The following XPO5 variants were observed in gnomAD, a reference collection of about 807,000 sequenced individuals.
XPO5 encodes the protein exportin 5.
A neutral mutation model predicts 160.6 loss-of-function variants in XPO5; 46 were observed. That is an observed-to-expected ratio of 0.29 (90% CI 0.23 to 0.37). The LOEUF (loss-of-function observed/expected upper bound fraction) is 0.37, where lower values mean the gene tolerates loss of function less well. XPO5 is among the 10% of genes least tolerant of loss of function. The probability of loss-of-function intolerance (pLI) is 1.00; values close to 1 mark genes in which losing one functional copy is unlikely to be tolerated. For missense variants in XPO5, 1,090 were observed against 1,463.9 expected, an observed-to-expected ratio of 0.74 and a Z score of 4.17; for synonymous variants, 537 against 519.3, an observed-to-expected ratio of 1.03 and a Z score of -0.46.
chr6:43,523,474 T>C lies in XPO5; in HGVS notation c.*394A>G. On this transcript the variant is annotated 3_prime_UTR_variant, in exon 32 of 32. Transcript: ENST00000265351. ...TGGCACAAGTAGTTGAGGGCTGTGC[T>C]CTTGCTGCGAGCCTTGCTAGTCGCA... The C allele has an allele frequency of 8.3e-6, 3 of 362,528 alleles. No homozygotes were observed. Among genetic ancestry groups the C allele is most frequent in the South Asian group, 6.4e-5 (3 of 46,820 alleles). The allele number at this position is 362,528 out of a possible 1,614,324, so 22.5% of individuals were successfully genotyped here.
At chr6:43,565,616 T>C (rs766194312) in intron 8 of XPO5, 44 bp downstream of exon 8, 4 of 1,432,184 alleles carry the variant, frequency 2.8e-6, no homozygotes, top group Non-Finnish European at 2.8e-6. Context: ...GATAGAAAAA[T>C]GACAAAGAAA....
Position 43,575,982 on chromosome 6 carries a change from A to C in XPO5, c.-118T>G. On this transcript the variant is annotated 5_prime_UTR_variant, in exon 1 of 32. Transcript: ENST00000265351. ...GCCGCGGCGGGCGGCGGGGGTGGGAAGCTGGAGGAGGAGCGTTAGCAGCAA... is the reference window on the plus strand; with the variant it reads ...GCCGCGGCGGGCGGCGGGGGTGGGACGCTGGAGGAGGAGCGTTAGCAGCAA... 1.1e-6 allele frequency: 1 copy of C among 934,728 alleles called. No individual in the cohort carries two copies. The highest frequency in any genetic ancestry group is 1.5e-5 in the South Asian group (1 of 66,742). The allele number at this position is 934,728 out of a possible 1,614,324, so 57.9% of individuals were successfully genotyped here.
At chr6:43,550,000 T>C (rs1391454084) in intron 15 of XPO5, 66 bp from the exon 16 acceptor site, 18 of 1,539,742 alleles carry the variant, frequency 1.2e-5, no homozygotes, top group Non-Finnish European at 2.7e-6. Context: ...CTTGCTATGT[T>C]GCCCAGACTA....
chr6:43,528,282 T>C, intron 24 of XPO5, 77 bp from the exon 25 acceptor site: 1 of 1,437,534 alleles, frequency 7.0e-7, no homozygotes. Flanking sequence ...TCAAGTCCAC[T>C]TCATGATTAA....
rs759801681 is a variant in XPO5 at position 43,522,587 on chromosome 6, G to A, written c.*1281C>T. The A allele has an allele frequency of 7.2e-5, 24 of 334,842 alleles. No homozygotes were observed. The highest frequency in any genetic ancestry group is 1.3e-4 in the Non-Finnish European group (20 of 149,952). The allele number at this position is 334,842 out of a possible 1,614,324, so 20.7% of individuals were successfully genotyped here. On this transcript the variant is annotated 3_prime_UTR_variant, in exon 32 of 32. Coordinates refer to ENST00000265351, the MANE Select transcript of XPO5 (RefSeq NM_020750.3). ...AGAAACCCAGAGCACCACACAGGAA[G>A]AGGGAGCAACACAAGACTCCCAACT...
chr6:43,553,526 TAC>T (rs111634867), intron 13 of XPO5, 23 bp from the exon 14 acceptor site: 70,750 of 943,930 alleles, frequency 0.075, 215 homozygotes, highest in East Asian at 0.15. Context: ...CACACACACA[TAC>T]ACACACACAC....
intron 20 of XPO5, among the ~76,000 whole-genome samples, chr6:43,536,807 G>A (rs1317038269): frequency 7.0e-6 from 1 of 142,920 alleles, no homozygotes; most frequent in East Asian, 2.0e-4. Flanking sequence ...TTACTTTTTG[G>A]GTTTTAAAAC....
At position 43,531,541 on chromosome 6, in the gene XPO5, A is replaced by G; in HGVS notation, c.2478T>C (p.Ser826=). Residue 826 remains serine, a synonymous_variant, in exon 22 of 32, where the codon TCT becomes TCC. Coordinates refer to ENST00000265351, the MANE Select transcript of XPO5 (RefSeq NM_020750.3). ...TTTCCAAGACGGTTTTGAAGACAGG[A>G]GAGTCATTGAGTTCCAAGAGAGGTT... The part of the protein sequence containing the change: ...LPQPLLELND[S]PVFKTVLERM... 1 of 1,613,972 alleles carries G rather than the reference A, an allele frequency of 6.2e-7. No individual in the cohort carries two copies. The highest frequency in any genetic ancestry group is 8.5e-7 in the Non-Finnish European group (1 of 1,179,862).
intron 17 of XPO5, 148 bp from the exon 18 acceptor site, chr6:43,548,608 C>T (rs1795077977): frequency 1.5e-6 from 1 of 657,260 alleles, no homozygotes; most frequent in Non-Finnish European, 2.3e-6. Flanking sequence ...TGTTATATGT[C>T]TTTATTTTGC....
chr6:43,562,920 A>G (rs970261605), intron 8 of XPO5, among the ~76,000 whole-genome samples: 4 of 152,216 alleles, frequency 2.6e-5, no homozygotes, highest in Non-Finnish European at 5.9e-5. Context: ...CAGTCTCTAC[A>G]GGGAAGGAAG....
intron 14 of XPO5, among the ~76,000 whole-genome samples, chr6:43,551,969 G>A (rs752621049): frequency 2.6e-4 from 39 of 152,070 alleles, no homozygotes; most frequent in Non-Finnish European, 5.1e-4. Context: ...ACTCAGCTGT[G>A]CGTGCCCTTC....
rs1793425497 is a variant in XPO5 at position 43,524,553 on chromosome 6, T to C, written c.3395A>G (p.Lys1132Arg). 6.2e-7 allele frequency: 1 copy of C among 1,613,968 alleles called. No homozygotes were observed. The highest frequency in any genetic ancestry group is 8.5e-7 in the Non-Finnish European group (1 of 1,179,886). ...TTTCTGCAGGGAGGGGTTTAAAAGC[T>C]TGCAGTCAAACTGGTCCAGTGAGTC... ...QKDSLDQFDCKLLNPSLQKVA... is the reference protein window; with the variant it reads ...QKDSLDQFDCRLLNPSLQKVA... The change falls in exon 31 of 32, where the codon AAG (lysine) becomes AGG (arginine). Residue 1132 changes from lysine (K) to arginine (R), a missense_variant. Coordinates refer to ENST00000265351, the MANE Select transcript of XPO5 (RefSeq NM_020750.3).
intron 1 of XPO5, among the ~76,000 whole-genome samples, chr6:43,573,865 C>A (rs1763147208): frequency 6.8e-6 from 1 of 147,864 alleles, no homozygotes; most frequent in East Asian, 2.0e-4. Flanking sequence ...ACTCTGTCGC[C>A]CAGGCTGGAA....
chr6:43,575,632 C>G (rs1763276383), intron 1 of XPO5, 128 bp downstream of exon 1: 2 of 777,672 alleles, frequency 2.6e-6, no homozygotes, highest in Non-Finnish European at 4.1e-6. Flanking sequence ...GGGAAGGTCC[C>G]GGGGAGTTGG....
At chr6:43,574,980 A>G (rs903423074) in intron 1 of XPO5, among the ~76,000 whole-genome samples, 14 of 152,154 alleles carry the variant, frequency 9.2e-5, no homozygotes, top group African/African-American at 3.1e-4. Flanking sequence ...TTTCTCCTAA[A>G]TGGCCATTTC....
intron 10 of XPO5, 141 bp downstream of exon 10, chr6:43,560,783 T>C: frequency 2.8e-6 from 2 of 713,822 alleles, no homozygotes; most frequent in South Asian, 1.8e-5. Context: ...AATAATTCTC[T>C]TAATGAAATG....
chr6:43,526,310 A>C (rs892397638), intron 27 of XPO5: 1 of 363,232 alleles, frequency 2.8e-6, no homozygotes, highest in African/African-American at 2.0e-5. Flanking sequence ...GGAATACATA[A>C]ATAAAAACAT....
intron 20 of XPO5, among the ~76,000 whole-genome samples, chr6:43,538,260 G>A (rs568837971): frequency 1.1e-4 from 15 of 140,182 alleles, no homozygotes; most frequent in Admixed American, 7.9e-5. Flanking sequence ...AGTGATTCTC[G>A]TGCCTCAGCC....
At chr6:43,560,028 A>T in intron 11 of XPO5, 150 bp downstream of exon 11, 1 of 936,478 alleles carries the variant, frequency 1.1e-6, no homozygotes, top group Non-Finnish European at 1.5e-6. Context: ...CATGTCGCAC[A>T]GGCTGGTCTC....
Sources: allele counts gnomAD v4.1 joint callset (sites outside exome capture counted in the v4.1 genomes callset), GRCh38; gene constraint gnomAD v4.1.1; transcripts MANE v1.5; gene names NCBI Gene and HGNC (gene_info 2026-07-23, HGNC 2026-07-21).